TCF4: variants seen among roughly 807,000 people sequenced by gnomAD.
TCF4 encodes the protein SL3-3 enhancer factor 2.
In TCF4, 3 loss-of-function variants were observed where a neutral mutation model predicts 82.1. The ratio of observed to expected loss-of-function variants is 0.04; its 90% CI spans 0.02 to 0.09. TCF4 has a LOEUF of 0.09. Ranked by LOEUF, TCF4 falls within the 10% of genes least tolerant of loss-of-function variation. TCF4 has a pLI of 1.00. For missense variants in TCF4, 518 were observed against 852.7 expected (o/e 0.61, Z 4.89); for synonymous variants, 276 against 309.6 (o/e 0.89, Z 1.14).
intron 2 of TCF4, chr18:55,586,161 GCAGCAGCAGCAGCAGCAGCAGC>G (rs2097647200): frequency 1.2e-5 from 3 of 247,448 alleles, no homozygotes; most frequent in South Asian, 5.0e-5. Flanking sequence ...AGGAGCAGCA[GCAGCAGCAGCAGCAGCAGCAGC>G]AGCAGCAGCA....
intron 6 of TCF4, among the ~76,000 whole-genome samples, chr18:55,352,787 A>G (rs544262103): frequency 6.6e-6 from 1 of 152,272 alleles, no homozygotes; most frequent in African/African-American, 2.4e-5. Context: ...AAAGTTTTTG[A>G]ATCTCAACCT....
At chr18:55,426,430 T>C (rs2094985443) in intron 5 of TCF4, among the ~76,000 whole-genome samples, 1 of 151,496 alleles carries the variant, frequency 6.6e-6, no homozygotes, top group South Asian at 2.1e-4. Flanking sequence ...ACAAAAAGAG[T>C]GAACTTTGGG....
intron 6 of TCF4, among the ~76,000 whole-genome samples, chr18:55,371,113 T>C (rs1421246527): frequency 5.3e-5 from 8 of 152,176 alleles, no homozygotes; most frequent in Admixed American, 4.6e-4. Flanking sequence ...TGACTAGCTA[T>C]TTTGGTATTA....
At chr18:55,374,871 T>TAAAAA (rs5825137) in intron 6 of TCF4, among the ~76,000 whole-genome samples, 5 of 67,148 alleles carry the variant, frequency 7.4e-5, no homozygotes, top group Non-Finnish European at 8.4e-5. Context: ...AGGCCCTGTC[T>TAAAAA]AAAAAAAAAA....
intron 5 of TCF4, among the ~76,000 whole-genome samples, chr18:55,450,948 T>G (rs2095611136): frequency 6.6e-6 from 1 of 152,134 alleles, no homozygotes; most frequent in African/African-American, 2.4e-5. Context: ...ACATTTAAAA[T>G]GGAGAGAAAC....
chr18:55,295,101 G>A (rs979462029), intron 8 of TCF4, among the ~76,000 whole-genome samples: 8 of 152,112 alleles, frequency 5.3e-5, no homozygotes, highest in Non-Finnish European at 1.0e-4. Flanking sequence ...AACCTCAAGC[G>A]CACTGACTGC....
At chr18:55,241,815 TA>T (rs571424291) in intron 15 of TCF4, among the ~76,000 whole-genome samples, 115 of 152,316 alleles carry the variant, frequency 7.6e-4, no homozygotes, top group African/African-American at 2.6e-3. Flanking sequence ...ACTCATCTTT[TA>T]AATGCAATAT....
intron 3 of TCF4, among the ~76,000 whole-genome samples, chr18:55,472,793 A>G (rs1480212730): frequency 3.3e-5 from 5 of 152,182 alleles, no homozygotes; most frequent in Non-Finnish European, 7.4e-5. Context: ...GATAAGTTTC[A>G]AAGTACTTAA....
upstream of TCF4, chr18:55,589,732 A>G (rs1446959847): frequency 2.0e-6 from 2 of 1,023,422 alleles, no homozygotes; most frequent in African/African-American, 3.4e-5. Flanking sequence ...TCCCCCGTGG[A>G]GTCACATTGA....
At chr18:55,373,050 G>GA (rs1018900884) in intron 6 of TCF4, among the ~76,000 whole-genome samples, 6 of 151,844 alleles carry the variant, frequency 4.0e-5, no homozygotes, top group African/African-American at 1.5e-4. Context: ...AGGAAAAAAA[G>GA]AAAATTAAAC....
At chr18:55,422,242 G>A (rs971541693) in intron 5 of TCF4, 122 of 984,716 alleles carry the variant, frequency 1.2e-4, no homozygotes, top group South Asian at 7.1e-4. Flanking sequence ...GCCCAAATAC[G>A]TGATGAAGAG....
At chr18:55,471,778 A>G (rs946764979) in intron 3 of TCF4, among the ~76,000 whole-genome samples, 2 of 152,002 alleles carry the variant, frequency 1.3e-5, no homozygotes, top group African/African-American at 4.8e-5. Context: ...AAAAAAAAAA[A>G]AAAGATAAGT....
At chr18:55,494,381 A>C (rs2096609768) in intron 3 of TCF4, among the ~76,000 whole-genome samples, 1 of 152,060 alleles carries the variant, frequency 6.6e-6, no homozygotes, top group African/African-American at 2.4e-5. Context: ...AGTGAGAATA[A>C]AGGGACTTCT....
intron 8 of TCF4, among the ~76,000 whole-genome samples, chr18:55,307,536 C>T (rs1421095887): frequency 6.6e-6 from 1 of 152,172 alleles, no homozygotes; most frequent in African/African-American, 2.4e-5. Flanking sequence ...GCATTTTCTA[C>T]AATAGTATTT....
rs568257755 is a variant in TCF4 at position 55,346,479 on chromosome 18, G to A, written c.549+3880C>T. On this transcript the variant is annotated intron_variant, in intron 8 of 19. Transcript: ENST00000354452. ...ACACAAAACCCCTCTGTACTTTAAC[G>A]TAGAAAAAAGACTTTACTGAGAAGT... 6.6e-5 allele frequency among the ~76,000 whole-genome samples: 10 copies of A among 152,160 alleles called. No homozygotes were observed. In the East Asian group the frequency reaches 9.6e-4, roughly 15 times the overall value.
intron 2 of TCF4, among the ~76,000 whole-genome samples, chr18:55,613,815 T>A (rs1330450981): frequency 1.3e-5 from 2 of 152,124 alleles, no homozygotes; most frequent in East Asian, 3.9e-4. Flanking sequence ...AAATTTGACA[T>A]GAGATTTGGG....
At chr18:55,444,081 A>C (rs1180442655) in intron 5 of TCF4, among the ~76,000 whole-genome samples, 2 of 152,228 alleles carry the variant, frequency 1.3e-5, no homozygotes, top group African/African-American at 4.8e-5. Flanking sequence ...CTCACTTCCT[A>C]TATCAACAGA....
chr18:55,251,928 AG>A (rs898157884), intron 15 of TCF4, among the ~76,000 whole-genome samples: 4 of 77,594 alleles, frequency 5.2e-5, no homozygotes, highest in Non-Finnish European at 8.3e-5. Flanking sequence ...AAGGGGGATG[AG>A]GTTTTTTTTT....
At chr18:55,584,417 C>T (rs979476414) in intron 3 of TCF4, among the ~76,000 whole-genome samples, 1 of 152,066 alleles carries the variant, frequency 6.6e-6, no homozygotes, top group African/African-American at 2.4e-5. Context: ...AAGCCACGGA[C>T]TTAAAGGATA....
Sources: allele counts gnomAD v4.1 joint callset (sites outside exome capture counted in the v4.1 genomes callset), GRCh38; gene constraint gnomAD v4.1.1; transcripts MANE v1.5; gene names NCBI Gene and HGNC (gene_info 2026-07-23, HGNC 2026-07-21).